Variants in SLC7A1 observed in about 807,000 individuals in gnomAD.
The protein encoded by SLC7A1 is high affinity cationic amino acid transporter 1.
Under a neutral mutation model 53.9 loss-of-function variants are expected in SLC7A1, and 10 were observed. The observed-to-expected ratio is 0.19, with a 90% CI of 0.11 to 0.31. The LOEUF (loss-of-function observed/expected upper bound fraction) is 0.31. SLC7A1 is among the 10% of genes least tolerant of loss of function. The pLI is 1.00. For missense variants in SLC7A1, 525 were observed against 827.2 expected (o/e 0.63, Z 4.48); for synonymous variants, 342 against 338.7 (o/e 1.01, Z -0.11).
At chr13:29,571,589 T>G (rs1016635288) in intron 1 of SLC7A1, among the ~76,000 whole-genome samples, 3 of 152,196 alleles carry the variant, frequency 2.0e-5, no homozygotes, top group African/African-American at 7.2e-5. Context: ...CCATCTCAGT[T>G]TGGCTTTTGG....
chr13:29,524,396 A>G, intron 5 of SLC7A1, 143 bp from the exon 6 acceptor site: 1 of 1,046,988 alleles, frequency 9.6e-7, no homozygotes, highest in Admixed American at 2.4e-5. Context: ...TCAGACGCTG[A>G]GTCCAGCCAC....
At chr13:29,559,836 C>A (rs1870661648) in intron 1 of SLC7A1, among the ~76,000 whole-genome samples, 1 of 152,052 alleles carries the variant, frequency 6.6e-6, no homozygotes, top group Admixed American at 6.6e-5. Context: ...CTGCCTCAGC[C>A]TCCCAAGAAG....
At chr13:29,576,796 T>C (rs1282050306) in intron 1 of SLC7A1, among the ~76,000 whole-genome samples, 1 of 152,138 alleles carries the variant, frequency 6.6e-6, no homozygotes, top group Middle Eastern at 3.4e-3. Flanking sequence ...TGGCCAACCA[T>C]TGCCTCGATT....
chr13:29,545,051 C>G (rs1475651123), intron 2 of SLC7A1, among the ~76,000 whole-genome samples: 2 of 152,106 alleles, frequency 1.3e-5, no homozygotes, highest in Non-Finnish European at 2.9e-5. Context: ...ATTCAGGAAG[C>G]TAATAGGGCA....
At chr13:29,526,446 TG>T (rs1868896925) in intron 5 of SLC7A1, among the ~76,000 whole-genome samples, 1 of 152,154 alleles carries the variant, frequency 6.6e-6, no homozygotes, top group African/African-American at 2.4e-5. Flanking sequence ...CACCCCAGCC[TG>T]CGCAACTGCA....
chr13:29,588,918 G>A (rs1234711985), intron 1 of SLC7A1, among the ~76,000 whole-genome samples: 1 of 152,240 alleles, frequency 6.6e-6, no homozygotes, highest in Admixed American at 6.5e-5. Context: ...CTAACTGCCA[G>A]TCTTTCCCAG....
At position 29,528,359 on chromosome 13, in the gene SLC7A1, G is replaced by A. The variant is rs77938839; in HGVS notation, c.704+2179C>T. Reference sequence around the variant, plus strand: ...CAGCGGCAGCCTGAGTCAAAGGCACGAAGAGCCATCCAGACTGCAGGGTAA... The same window carrying A: ...CAGCGGCAGCCTGAGTCAAAGGCACAAAGAGCCATCCAGACTGCAGGGTAA... On this transcript the variant is annotated intron_variant, in intron 5 of 12. Transcript: ENST00000380752. 6.5e-3 allele frequency among the ~76,000 whole-genome samples: 990 copies of A among 152,322 alleles called. 5 individuals are homozygous for A. The highest frequency in any genetic ancestry group is 0.012 in the African/African-American group (487 of 41,562).
rs1345301305 is a variant in SLC7A1, at chr13:29,524,196, A to G, written c.762T>C (p.Gly254=). Residue 254 remains glycine, a synonymous_variant, in exon 6 of 13, where the codon GGT becomes GGC. Transcript: ENST00000380752. ...VGGFMPFGFS[G]VLSGAATCFY... ...AGCAAGTCGCTGCCCCCGACAGGACACCAGAGAACCCGAAGGGCATGAATC... is the reference window on the plus strand; with the variant it reads ...AGCAAGTCGCTGCCCCCGACAGGACGCCAGAGAACCCGAAGGGCATGAATC... 3 of 1,614,146 alleles carry G rather than the reference A, an allele frequency of 1.9e-6. No homozygotes were observed. Among genetic ancestry groups the G allele is most frequent in the Non-Finnish European group, 2.5e-6 (3 of 1,179,978 alleles).
intron 5 of SLC7A1, among the ~76,000 whole-genome samples, chr13:29,529,486 G>C (rs557217224): frequency 1.1e-4 from 17 of 152,312 alleles, no homozygotes; most frequent in African/African-American, 3.1e-4. Context: ...GAACAGACCT[G>C]AGCACTCTCC....
At chr13:29,555,154 C>A (rs1458074786) in intron 1 of SLC7A1, among the ~76,000 whole-genome samples, 1 of 150,410 alleles carries the variant, frequency 6.6e-6, no homozygotes, top group South Asian at 2.1e-4. Context: ...GTCAGGAGAT[C>A]GAGACCATCC....
intron 1 of SLC7A1, among the ~76,000 whole-genome samples, chr13:29,584,034 C>T (rs1871768380): frequency 6.6e-6 from 1 of 152,162 alleles, no homozygotes; most frequent in Admixed American, 6.5e-5. Flanking sequence ...CAAACGTTAA[C>T]ATATATAACA....
chr13:29,578,948 C>T (rs779314658), intron 1 of SLC7A1, among the ~76,000 whole-genome samples: 6 of 152,210 alleles, frequency 3.9e-5, no homozygotes, highest in Non-Finnish European at 8.8e-5. Flanking sequence ...CTTCATTCCG[C>T]TGGGGAAAAG....
intron 2 of SLC7A1, among the ~76,000 whole-genome samples, chr13:29,540,262 G>A (rs965873490): frequency 1.3e-5 from 2 of 152,182 alleles, no homozygotes; most frequent in African/African-American, 4.8e-5. Context: ...TTATACAACA[G>A]TTGATGCCTC....
At chr13:29,573,765 C>T (rs1031396266) in intron 1 of SLC7A1, among the ~76,000 whole-genome samples, 6 of 152,158 alleles carry the variant, frequency 3.9e-5, no homozygotes, top group African/African-American at 1.4e-4. Flanking sequence ...AAAAAAGTAT[C>T]CATTGCTTAT....
intron 2 of SLC7A1, among the ~76,000 whole-genome samples, chr13:29,544,418 C>T (rs1344859616): frequency 6.6e-6 from 1 of 152,164 alleles, no homozygotes; most frequent in Non-Finnish European, 1.5e-5. Context: ...ACTAAAAACA[C>T]CTAACATCCT....
intron 8 of SLC7A1, among the ~76,000 whole-genome samples, chr13:29,520,882 T>C (rs1324316235): frequency 6.6e-6 from 1 of 152,240 alleles, no homozygotes; most frequent in African/African-American, 2.4e-5. Flanking sequence ...ATTTCTTCCA[T>C]GTGAGGTGAT....
At position 29,559,882 on chromosome 13, in the gene SLC7A1, A is replaced by AT. The variant is rs551864304; in HGVS notation, c.-114-6023dup. Among the ~76,000 whole-genome samples the AT allele has an allele frequency of 3.9e-5, 6 of 151,968 alleles. No individual in the cohort carries two copies. The South Asian group carries it at 1.2e-3, about 32-fold the overall frequency. ...AGGCGCCCGCCACCGCGCCCGGATA[A>AT]TTTTTTGTATTTTTAGTAGAGACGG... is the stretch of plus-strand genomic sequence containing the variant. On this transcript the variant is annotated intron_variant, in intron 1 of 12. Coordinates refer to ENST00000380752, the MANE Select transcript of SLC7A1 (RefSeq NM_003045.5).
chr13:29,560,165 T>G (rs1292030608), intron 1 of SLC7A1, among the ~76,000 whole-genome samples: 1 of 152,132 alleles, frequency 6.6e-6, no homozygotes, highest in East Asian at 1.9e-4. Context: ...AACTTTTTTC[T>G]TAAAAACCAA....
chr13:29,527,003 C>G (rs1868923027), intron 5 of SLC7A1, among the ~76,000 whole-genome samples: 1 of 151,840 alleles, frequency 6.6e-6, no homozygotes. Context: ...CAGGAGGACC[C>G]ACAGCCGACT....
Sources: allele counts gnomAD v4.1 joint callset (sites outside exome capture counted in the v4.1 genomes callset), GRCh38; gene constraint gnomAD v4.1.1; transcripts MANE v1.5; gene names NCBI Gene and HGNC (gene_info 2026-07-23, HGNC 2026-07-21).